RIT2: variants seen among roughly 807,000 people sequenced by gnomAD.
The protein encoded by RIT2 is GTP-binding protein Rit2.
Under a neutral mutation model 23.7 loss-of-function variants are expected in RIT2, and 24 were observed. The ratio of observed to expected loss-of-function variants is 1.01; its 90% CI spans 0.73 to 1.43. The LOEUF (loss-of-function observed/expected upper bound fraction) is 1.43. Ranked by LOEUF, RIT2 falls within the 40% of genes most tolerant of loss-of-function variation. The pLI is 0.00. For synonymous variants in RIT2, 107 were observed against 91.1 expected, an observed-to-expected ratio of 1.17 and a Z score of -0.99; for missense variants, 236 against 266.9, an observed-to-expected ratio of 0.88 and a Z score of 0.81.
intron 2 of RIT2, among the ~76,000 whole-genome samples, chr18:43,017,745 T>C (rs566137883): frequency 3.0e-4 from 46 of 152,128 alleles, no homozygotes; most frequent in African/African-American, 1.1e-3. Context: ...CCATTTTTCA[T>C]TTGGAGAAAT....
At chr18:42,992,432 C>G (rs1241076520) in intron 2 of RIT2, among the ~76,000 whole-genome samples, 14 of 152,108 alleles carry the variant, frequency 9.2e-5, no homozygotes, top group Admixed American at 5.9e-4. Flanking sequence ...CCCAATGCAA[C>G]TCGTCCCAAA....
intron 1 of RIT2, among the ~76,000 whole-genome samples, chr18:43,088,345 T>C (rs1007137436): frequency 1.4e-4 from 22 of 152,182 alleles, no homozygotes; most frequent in African/African-American, 5.1e-4. Context: ...ATATTTCTAA[T>C]ACATTGTATT....
chr18:42,802,847 C>T (rs1288079495), intron 4 of RIT2, among the ~76,000 whole-genome samples: 1 of 152,090 alleles, frequency 6.6e-6, no homozygotes, highest in East Asian at 1.9e-4. Context: ...AAATGTTATG[C>T]CCTTTTTATT....
chr18:42,920,996 C>A (rs1909042938), intron 4 of RIT2, among the ~76,000 whole-genome samples: 1 of 151,534 alleles, frequency 6.6e-6, no homozygotes, highest in African/African-American at 2.4e-5. Context: ...TACTGATGAA[C>A]AAAAAGAGTA....
intron 4 of RIT2, among the ~76,000 whole-genome samples, chr18:42,825,839 T>C (rs1906279863): frequency 6.6e-6 from 1 of 152,004 alleles, no homozygotes; most frequent in Admixed American, 6.5e-5. Context: ...AAGTCTTCTG[T>C]GCAATCTCTA....
intron 2 of RIT2, among the ~76,000 whole-genome samples, chr18:42,989,022 G>C (rs560165662): frequency 6.6e-6 from 1 of 152,262 alleles, no homozygotes; most frequent in South Asian, 2.1e-4. Context: ...TGAATATGAA[G>C]TTTTAATAAG....
intron 2 of RIT2, among the ~76,000 whole-genome samples, chr18:42,989,997 G>C (rs887533270): frequency 1.5e-5 from 2 of 131,084 alleles, no homozygotes; most frequent in Non-Finnish European, 3.2e-5. Context: ...TACACGTTCT[G>C]TATTTACAGA....
At chr18:42,897,184 C>T (rs1191026545) in intron 4 of RIT2, among the ~76,000 whole-genome samples, 2 of 152,182 alleles carry the variant, frequency 1.3e-5, no homozygotes. Flanking sequence ...TACCTGATAA[C>T]TTACTCCCTT....
At chr18:42,801,745 C>T (rs1905544973) in intron 4 of RIT2, among the ~76,000 whole-genome samples, 1 of 152,130 alleles carries the variant, frequency 6.6e-6, no homozygotes, top group Non-Finnish European at 1.5e-5. Context: ...GTCATTCTTT[C>T]TTTCTTTCTT....
chr18:42,910,292 G>C (rs766184003), intron 4 of RIT2, among the ~76,000 whole-genome samples: 1 of 152,014 alleles, frequency 6.6e-6, no homozygotes, highest in African/African-American at 2.4e-5. Flanking sequence ...CAATTAAAAG[G>C]TAGTGATTTG....
At chr18:43,077,488 G>T (rs1265238890) in intron 1 of RIT2, among the ~76,000 whole-genome samples, 1 of 151,904 alleles carries the variant, frequency 6.6e-6, no homozygotes, top group Admixed American at 6.6e-5. Flanking sequence ...TCTTCATGTT[G>T]AGTTTAAGCC....
At chr18:43,089,936 T>C (rs1342693654) in intron 1 of RIT2, among the ~76,000 whole-genome samples, 1 of 151,974 alleles carries the variant, frequency 6.6e-6, no homozygotes, top group Non-Finnish European at 1.5e-5. Flanking sequence ...TATAAAAAGC[T>C]TGGAAGACAA....
intron 4 of RIT2, among the ~76,000 whole-genome samples, chr18:42,842,254 C>T (rs1448859795): frequency 6.6e-6 from 1 of 152,050 alleles, no homozygotes; most frequent in Non-Finnish European, 1.5e-5. Flanking sequence ...GACTTAATTT[C>T]CATTTGGTGG....
chr18:42,957,117 A>C (rs955124548), intron 3 of RIT2, among the ~76,000 whole-genome samples: 2 of 152,212 alleles, frequency 1.3e-5, no homozygotes, highest in African/African-American at 4.8e-5. Context: ...TACATTAGGC[A>C]TTACATATTC....
intron 2 of RIT2, among the ~76,000 whole-genome samples, chr18:43,006,608 T>C (rs1469062798): frequency 6.6e-6 from 1 of 151,488 alleles, no homozygotes. Context: ...ATACAATTGG[T>C]GATGCCTTAA....
chr18:43,105,520 A>AGGAAGAAAGAGAG (rs1555658773), intron 1 of RIT2, among the ~76,000 whole-genome samples: 1 of 73,504 alleles, frequency 1.4e-5, no homozygotes, highest in African/African-American at 4.7e-5. Context: ...GAGGGAGGGA[A>AGGAAGAAAGAGAG]TGAGCAGTTT....
At chr18:42,968,809 A>C (rs2144197014) in intron 3 of RIT2, among the ~76,000 whole-genome samples, 1 of 152,348 alleles carries the variant, frequency 6.6e-6, no homozygotes, top group South Asian at 2.1e-4. Context: ...GTATGTGAAC[A>C]GAATACACAT....
At chr18:42,929,043 A>ATATATATATG (rs1391280582) in intron 3 of RIT2, among the ~76,000 whole-genome samples, 17 of 143,806 alleles carry the variant, frequency 1.2e-4, no homozygotes, top group African/African-American at 4.3e-4. Flanking sequence ...AGATATATAT[A>ATATATATATG]TATATATATA....
chr18:42,841,804 T>G (rs1185754795), intron 4 of RIT2, among the ~76,000 whole-genome samples: 4 of 152,194 alleles, frequency 2.6e-5, no homozygotes, highest in Admixed American at 6.5e-5. Context: ...CACTATTATT[T>G]ATTAATCCAG....
Sources: allele counts gnomAD v4.1 joint callset (sites outside exome capture counted in the v4.1 genomes callset), GRCh38; gene constraint gnomAD v4.1.1; transcripts MANE v1.5; gene names NCBI Gene and HGNC (gene_info 2026-07-23, HGNC 2026-07-21).